Variants in HMGCLL1 observed in about 807,000 individuals in gnomAD.
The protein encoded by HMGCLL1 is 3-hydroxymethyl-3-methylglutaryl-CoA lyase, cytoplasmic.
In HMGCLL1, 36 loss-of-function variants were observed where a neutral mutation model predicts 39.1. The observed-to-expected ratio is 0.92, with a 90% CI of 0.71 to 1.22. The LOEUF (loss-of-function observed/expected upper bound fraction) is 1.22. Among genes scored for constraint, HMGCLL1 ranks in the 50% most tolerant of loss-of-function variants. The probability of loss-of-function intolerance (pLI) is 0.00; values close to 1 mark genes in which losing one functional copy is unlikely to be tolerated. For synonymous variants in HMGCLL1, 149 were observed against 144.0 expected (o/e 1.03, Z -0.25); for missense variants, 451 against 416.5 (o/e 1.08, Z -0.72).
At chr6:55,581,984 C>T (rs1771993512), upstream of HMGCLL1, among the ~76,000 whole-genome samples, 1 of 152,108 alleles carries the variant, frequency 6.6e-6, no homozygotes, top group South Asian at 2.1e-4. Flanking sequence ...CTCCTTAATC[C>T]CACCAATCTG....
intron 1 of HMGCLL1, among the ~76,000 whole-genome samples, chr6:55,578,236 T>G (rs1771851567): frequency 6.6e-6 from 1 of 152,206 alleles, no homozygotes; most frequent in African/African-American, 2.4e-5. Flanking sequence ...TAATATTTTG[T>G]GGAATTTTAG....
chr6:55,652,063 C>T, the HMGCLL1 span, among the ~76,000 whole-genome samples: 8,382 of 151,998 alleles, frequency 0.055, 395 homozygotes, highest in Non-Finnish European at 0.077. Flanking sequence ...TGTGATTTTT[C>T]GCCTGATTTT....
intron 7 of HMGCLL1, among the ~76,000 whole-genome samples, chr6:55,488,435 A>G (rs9296784): frequency 0.99 from 151,236 of 152,152 alleles, 75,173 homozygotes; most frequent in Middle Eastern, 1. Flanking sequence ...GAAAAGGATG[A>G]TGCTTCATCA....
chr6:55,469,020 T>C (rs971901139), intron 7 of HMGCLL1, among the ~76,000 whole-genome samples: 8 of 151,784 alleles, frequency 5.3e-5, no homozygotes, highest in African/African-American at 1.7e-4. Context: ...CTCTATTTGA[T>C]CGTGCAGCAT....
At chr6:55,649,353 TACTC>T in the HMGCLL1 span, among the ~76,000 whole-genome samples, 1 of 151,580 alleles carries the variant, frequency 6.6e-6, no homozygotes, top group African/African-American at 2.4e-5. Context: ...GCATCACAAA[TACTC>T]ATATATAGGG....
At chr6:55,443,179 CG>C (rs1318701149) in intron 7 of HMGCLL1, among the ~76,000 whole-genome samples, 1 of 152,050 alleles carries the variant, frequency 6.6e-6, no homozygotes, top group African/African-American at 2.4e-5. Flanking sequence ...TTTATCAATC[CG>C]GGGTATGGGT....
intron 7 of HMGCLL1, among the ~76,000 whole-genome samples, chr6:55,464,456 A>G (rs751856005): frequency 1.3e-5 from 2 of 152,182 alleles, no homozygotes; most frequent in African/African-American, 4.8e-5. Flanking sequence ...CACCTCCAGG[A>G]TATTTTTAAT....
chr6:55,502,990 T>C (rs1051696704), intron 5 of HMGCLL1, among the ~76,000 whole-genome samples: 4 of 148,466 alleles, frequency 2.7e-5, no homozygotes, highest in African/African-American at 9.9e-5. Context: ...GTTTTTTTCG[T>C]TGTCTCCTGT....
At chr6:55,562,702 T>C (rs1016019386) in intron 1 of HMGCLL1, among the ~76,000 whole-genome samples, 6 of 152,072 alleles carry the variant, frequency 3.9e-5, no homozygotes, top group African/African-American at 1.4e-4. Context: ...ACAAGGACAC[T>C]CAAAGACAAG....
chr6:55,580,395 CTTTTTTCTTTCTTTTTTTTTTTTTTT>C (rs2127481940), upstream of HMGCLL1, among the ~76,000 whole-genome samples: 1 of 100,654 alleles, frequency 9.9e-6, no homozygotes, highest in Non-Finnish European at 2.2e-5. Flanking sequence ...TTTTTTTTTT[CTTTTTTCTTTCTTTTTTTTTTTTTTT>C]TTTTTTTTTT....
At chr6:55,500,289 A>G (rs1360809415) in intron 5 of HMGCLL1, among the ~76,000 whole-genome samples, 2 of 152,012 alleles carry the variant, frequency 1.3e-5, no homozygotes, top group Non-Finnish European at 2.9e-5. Flanking sequence ...AGGTAGTGGC[A>G]AGATCAGATT....
chr6:55,515,366 A>G (rs112836814), intron 4 of HMGCLL1, among the ~76,000 whole-genome samples: 2 of 152,114 alleles, frequency 1.3e-5, no homozygotes, highest in Admixed American at 1.3e-4. Context: ...TAAATTTTCA[A>G]TTTCTAAAAT....
chr6:55,468,932 G>A (rs762776268), intron 7 of HMGCLL1, among the ~76,000 whole-genome samples: 1 of 141,792 alleles, frequency 7.1e-6, no homozygotes, highest in African/African-American at 2.9e-5. Flanking sequence ...TATTTGACTA[G>A]AGACTACAAA....
intron 3 of HMGCLL1, among the ~76,000 whole-genome samples, chr6:55,537,208 T>C (rs1211201132): frequency 1.3e-5 from 2 of 152,258 alleles, no homozygotes; most frequent in African/African-American, 2.4e-5. Flanking sequence ...AAGTAGAATA[T>C]CCTCAATATT....
intron 1 of HMGCLL1, among the ~76,000 whole-genome samples, chr6:55,570,975 T>C (rs989346325): frequency 6.6e-6 from 1 of 152,198 alleles, no homozygotes; most frequent in African/African-American, 2.4e-5. Context: ...AAACCCCTTA[T>C]AAAGCCATCA....
the HMGCLL1 span, among the ~76,000 whole-genome samples, chr6:55,665,325 A>T: frequency 9.6e-4 from 146 of 151,870 alleles, no homozygotes; most frequent in East Asian, 0.02. Context: ...ATGTAACATG[A>T]TTTTATCCCA....
In HMGCLL1 at chr6:55,542,800, T is replaced by TTATA. The variant is rs199633561; in HGVS notation, c.109-664_109-661dup. Among the ~76,000 whole-genome samples, 1,011 of 138,136 alleles carry TTATA rather than the reference T, an allele frequency of 7.3e-3. 10 individuals are homozygous for TTATA. Among genetic ancestry groups the TTATA allele is most frequent in the Non-Finnish European group, 1.0e-2 (656 of 65,754 alleles). 90.6% of individuals were successfully genotyped at this position (138,136 alleles called of 152,430 possible). ...TCTCAAAAAATATATATACCTATAT[T>TTATA]TATATATATATATTACATATATATG... On this transcript the variant is annotated intron_variant, in intron 1 of 8. Coordinates refer to ENST00000274901, the MANE Select transcript of HMGCLL1 (RefSeq NM_001042406.2).
At chr6:55,508,570 GTAAAGT>G (rs1301246826) in intron 5 of HMGCLL1, among the ~76,000 whole-genome samples, 3 of 151,530 alleles carry the variant, frequency 2.0e-5, no homozygotes, top group African/African-American at 4.8e-5. Flanking sequence ...GGAATTCATA[GTAAAGT>G]TAATCTCATG....
chr6:55,647,511 T>G, the HMGCLL1 span, among the ~76,000 whole-genome samples: 2 of 151,926 alleles, frequency 1.3e-5, no homozygotes, highest in Non-Finnish European at 2.9e-5. Flanking sequence ...TAATTTTCTC[T>G]GGTGGTATGC....
Sources: gnomAD v4.1 joint callset for allele counts (sites outside exome capture counted in the v4.1 genomes callset) on GRCh38, gnomAD v4.1.1 for gene constraint, MANE v1.5 for transcripts, NCBI Gene and HGNC (gene_info 2026-07-23, HGNC 2026-07-21) for gene names.